PLEKHA5: variants seen among roughly 807,000 people sequenced by gnomAD.
The protein encoded by PLEKHA5 is pleckstrin homology domain containing A5.
PLEKHA5 carries 55 observed loss-of-function variants against 181.9 expected under a neutral mutation model. The observed-to-expected ratio is 0.30, with a 90% CI of 0.24 to 0.38. PLEKHA5 has a LOEUF of 0.38. Ranked by LOEUF, PLEKHA5 falls within the 10% of genes least tolerant of loss-of-function variation. The probability of loss-of-function intolerance (pLI) is 1.00; values close to 1 mark genes in which losing one functional copy is unlikely to be tolerated. For missense variants in PLEKHA5, 1,432 were observed against 1,549.5 expected (o/e 0.92, Z 1.27); for synonymous variants, 535 against 529.4 (o/e 1.01, Z -0.15).
chr12:19,363,130 T>G (rs560708892), intron 29 of PLEKHA5, among the ~76,000 whole-genome samples: 129 of 150,554 alleles, frequency 8.6e-4, no homozygotes, highest in African/African-American at 2.9e-3. Flanking sequence ...TTGTTTTTTT[T>G]TTGTTGTTGT....
At chr12:19,246,362 C>A (rs886439132) in intron 3 of PLEKHA5, among the ~76,000 whole-genome samples, 1 of 151,534 alleles carries the variant, frequency 6.6e-6, no homozygotes, top group Admixed American at 6.6e-5. Flanking sequence ...CGGTGGCTCA[C>A]GCCTGTAATC....
intron 24 of PLEKHA5, among the ~76,000 whole-genome samples, chr12:19,348,182 C>A (rs535997229): frequency 6.6e-6 from 1 of 152,084 alleles, no homozygotes; most frequent in South Asian, 2.1e-4. Flanking sequence ...TGCACCCGGC[C>A]AGAAATATTC....
chr12:19,183,512 A>G (rs1267449888), intron 3 of PLEKHA5, among the ~76,000 whole-genome samples: 2 of 152,188 alleles, frequency 1.3e-5, no homozygotes, highest in Non-Finnish European at 2.9e-5. Flanking sequence ...GAAACCGATA[A>G]TAATGAATTT....
At chr12:19,275,553 C>T (rs2074259780) in intron 11 of PLEKHA5, among the ~76,000 whole-genome samples, 6 of 152,036 alleles carry the variant, frequency 3.9e-5, no homozygotes, top group Admixed American at 3.3e-4. Flanking sequence ...CGTTTGATGC[C>T]AGGAGTTTGA....
intron 8 of PLEKHA5, among the ~76,000 whole-genome samples, chr12:19,268,259 G>A (rs374439537): frequency 2.0e-5 from 3 of 152,108 alleles, no homozygotes; most frequent in African/African-American, 7.2e-5. Context: ...CGTGATATTA[G>A]CACTATTATT....
At chr12:19,249,626 T>C (rs1056510778) in intron 3 of PLEKHA5, among the ~76,000 whole-genome samples, 1 of 152,252 alleles carries the variant, frequency 6.6e-6, no homozygotes, top group Non-Finnish European at 1.5e-5. Flanking sequence ...ATAGATGTTA[T>C]ATTTTTGAAA....
chr12:19,341,051 C>G (rs1388494026), intron 21 of PLEKHA5, among the ~76,000 whole-genome samples: 1 of 151,972 alleles, frequency 6.6e-6, no homozygotes, highest in Non-Finnish European at 1.5e-5. Flanking sequence ...TCAGACAGAT[C>G]ACTTGAGGGT....
chr12:19,180,307 A>G (rs1019523248), intron 3 of PLEKHA5, among the ~76,000 whole-genome samples: 10 of 152,180 alleles, frequency 6.6e-5, no homozygotes, highest in African/African-American at 2.4e-4. Flanking sequence ...TTTGACAGTA[A>G]TCAAGGGTAT....
Position 19,320,619 on chromosome 12 carries a change from A to G in PLEKHA5, c.2212A>G (p.Ile738Val), listed in dbSNP as rs768705188. ...CAAATACAGACCTGAAGAAGTAGATATTGATGTAAGTATTAGTATGATATA... is the reference window on the plus strand; with the variant it reads ...CAAATACAGACCTGAAGAAGTAGATGTTGATGTAAGTATTAGTATGATATA... ...LYKYRPEEVD[I>V]DAKLSRLCEQ... Residue 738 changes from isoleucine (I) to valine (V), a missense_variant, in exon 18 of 32, where the codon ATT becomes GTT. Physicochemically the swap from Ile to Val is conservative, Grantham distance 29 (BLOSUM62 3). Transcript: ENST00000429027. 7.1e-7 allele frequency: 1 copy of G among 1,408,900 alleles called. No individual in the cohort carries two copies. The highest frequency in any genetic ancestry group is 1.0e-6 in the Non-Finnish European group (1 of 1,002,744). The allele number at this position is 1,408,900 out of a possible 1,614,324, so 87.3% of individuals were successfully genotyped here.
rs1018604933 is a variant in PLEKHA5 at position 19,205,307 on chromosome 12, T to G, written c.228-48633T>G. Reference sequence around the variant, plus strand: ...GAGACTGCGGTGTGGTTCAGTTTTCTTATAGTGGAAAGAGCAGAAAAGAGA... The same window carrying G: ...GAGACTGCGGTGTGGTTCAGTTTTCGTATAGTGGAAAGAGCAGAAAAGAGA... On this transcript the variant is annotated intron_variant, in intron 3 of 31. Coordinates refer to ENST00000429027, the MANE Select transcript of PLEKHA5 (RefSeq NM_001256470.2). 24 of 887,418 alleles carry G rather than the reference T, an allele frequency of 2.7e-5. No homozygotes were observed. In the Admixed American group the frequency reaches 1.4e-3, roughly 50 times the overall value. 55.0% of individuals were successfully genotyped at this position (887,418 alleles called of 1,614,324 possible).
intron 23 of PLEKHA5, among the ~76,000 whole-genome samples, chr12:19,346,174 G>A (rs185704663): frequency 1.3e-5 from 2 of 151,890 alleles, no homozygotes; most frequent in African/African-American, 2.4e-5. Context: ...ACTTATCATT[G>A]TTTCTTATAC....
intron 15 of PLEKHA5, among the ~76,000 whole-genome samples, chr12:19,307,942 A>G (rs2084707051): frequency 6.6e-6 from 1 of 151,506 alleles, no homozygotes; most frequent in Admixed American, 6.6e-5. Context: ...AAGAAGAAAG[A>G]TAAAGAGAGA....
chr12:19,200,313 T>G, intron 3 of PLEKHA5: 3 of 1,525,406 alleles, frequency 2.0e-6, no homozygotes, highest in East Asian at 4.9e-5. Context: ...TTTTTATCCT[T>G]TATCCTTCCA....
At position 19,281,482 on chromosome 12, in the gene PLEKHA5, C is replaced by T. The variant is rs1463947920; in HGVS notation, c.1314-1798C>T. On this transcript the variant is annotated intron_variant, in intron 11 of 31. Transcript: ENST00000429027. ...GTCCCAGCTACTCAGGGGCCTGAGG[C>T]AGGAGAATCACTCGAACCTGAGAGG... 2.0e-5 allele frequency among the ~76,000 whole-genome samples: 3 copies of T among 151,444 alleles called. No individual in the cohort carries two copies. In the East Asian group the frequency reaches 5.9e-4, roughly 30 times the overall value.
intron 21 of PLEKHA5, among the ~76,000 whole-genome samples, chr12:19,337,713 T>A (rs1262231025): frequency 6.6e-6 from 1 of 151,922 alleles, no homozygotes; most frequent in African/African-American, 2.4e-5. Context: ...AACAGACAGA[T>A]CAATACAATG....
At position 19,130,084 on chromosome 12, in the gene PLEKHA5, CGTCACCGGCGAGGCGGTG is replaced by C; in HGVS notation, c.132_149del (p.Glu45_Gly50del). 1 of 1,590,530 alleles carries C rather than the reference CGTCACCGGCGAGGCGGTG, an allele frequency of 6.3e-7. No homozygotes were observed. The highest frequency in any genetic ancestry group is 8.5e-7 in the Non-Finnish European group (1 of 1,170,052). On this transcript the variant is annotated inframe_deletion, in exon 2 of 32. Transcript: ENST00000429027. The surrounding 1 kb of genome is among the most constrained non-coding windows in gnomAD (Gnocchi z 4.5). ...CCAAGAGCACCACCTGGCTGCACCCCGTCACCGGCGAGGCGGTGGTCACCGGACACCGGCGGCAGAGCA... is the reference window on the plus strand; with the variant it reads ...CCAAGAGCACCACCTGGCTGCACCCCGTCACCGGACACCGGCGGCAGAGCA...
chr12:19,215,907 G>A (rs1452315461), intron 3 of PLEKHA5, among the ~76,000 whole-genome samples: 1 of 152,054 alleles, frequency 6.6e-6, no homozygotes, highest in Non-Finnish European at 1.5e-5. Context: ...ATTGAGTTGG[G>A]TATGAATTAC....
chr12:19,306,695 T>C, intron 15 of PLEKHA5: 1 of 1,470,876 alleles, frequency 6.8e-7, no homozygotes, highest in South Asian at 1.1e-5. Flanking sequence ...ATGCGGACTC[T>C]CTTCGGTTTC....
At chr12:19,343,136 C>T (rs945787567) in intron 21 of PLEKHA5, among the ~76,000 whole-genome samples, 187 bp from the exon 22 acceptor site, 3 of 152,174 alleles carry the variant, frequency 2.0e-5, no homozygotes, top group Non-Finnish European at 4.4e-5. Flanking sequence ...TTGCTCTGCT[C>T]AGTCTTTTAT....
Sources: allele counts gnomAD v4.1 joint callset (sites outside exome capture counted in the v4.1 genomes callset), GRCh38; gene constraint gnomAD v4.1.1; non-coding constraint Gnocchi (gnomAD v3.1); transcripts MANE v1.5; gene names NCBI Gene and HGNC (gene_info 2026-07-23, HGNC 2026-07-21).